The following WDPCP variants were observed in gnomAD, a reference collection of about 807,000 sequenced individuals.
WDPCP encodes the protein WD repeat-containing and planar cell polarity effector protein fritz homolog.
A neutral mutation model predicts 93.1 loss-of-function variants in WDPCP; 71 were observed. That is an observed-to-expected ratio of 0.76 (90% confidence interval 0.63 to 0.93). WDPCP has a LOEUF of 0.93. Ranked by LOEUF, WDPCP falls within the 40% of genes least tolerant of loss-of-function variation. WDPCP has a pLI of 0.00. For missense variants in WDPCP, 844 were observed against 887.4 expected, an observed-to-expected ratio of 0.95 and a Z score of 0.62; for synonymous variants, 315 against 315.0, an observed-to-expected ratio of 1.00 and a Z score of 0.00.
intron 2 of WDPCP, among the ~76,000 whole-genome samples, chr2:63,724,481 T>TA (rs1237141342): frequency 1.3e-5 from 2 of 152,112 alleles, no homozygotes; most frequent in African/African-American, 2.4e-5. Flanking sequence ...GTCATATCTT[T>TA]AAAAAAATCA....
At chr2:63,196,698 C>A (rs188971324) in intron 14 of WDPCP, among the ~76,000 whole-genome samples, 3 of 152,260 alleles carry the variant, frequency 2.0e-5, no homozygotes, top group Non-Finnish European at 4.4e-5. Context: ...TTAAGAAAAT[C>A]ATTGAGAAGA....
the WDPCP span, among the ~76,000 whole-genome samples, chr2:63,833,009 T>A: frequency 6.6e-6 from 1 of 152,250 alleles, no homozygotes; most frequent in African/African-American, 2.4e-5. Context: ...TCCCAGCACT[T>A]TGGGAGGCCA....
intron 2 of WDPCP, among the ~76,000 whole-genome samples, chr2:63,722,772 G>T (rs1340359751): frequency 6.6e-6 from 1 of 151,836 alleles, no homozygotes; most frequent in Non-Finnish European, 1.5e-5. Context: ...CAGCCGCCCC[G>T]TCTGGGAGGT....
At chr2:63,759,904 G>A (rs1670029725) in intron 2 of WDPCP, among the ~76,000 whole-genome samples, 1 of 152,232 alleles carries the variant, frequency 6.6e-6, no homozygotes, top group Non-Finnish European at 1.5e-5. Context: ...GATGAAGATG[G>A]CACTGCCCAT....
chr2:63,290,781 C>T (rs1460126242), intron 13 of WDPCP, among the ~76,000 whole-genome samples: 2 of 152,100 alleles, frequency 1.3e-5, no homozygotes, highest in African/African-American at 4.8e-5. Flanking sequence ...AGTCATAATT[C>T]GTATTAGCTG....
intron 2 of WDPCP, among the ~76,000 whole-genome samples, chr2:63,744,816 CT>C (rs1037622967): frequency 1.3e-5 from 2 of 152,040 alleles, no homozygotes; most frequent in Non-Finnish European, 2.9e-5. Context: ...CCCCTTTCCC[CT>C]ACCCACCCCA....
chr2:63,805,535 C>T (rs1465450388), intron 2 of WDPCP, among the ~76,000 whole-genome samples: 7 of 152,136 alleles, frequency 4.6e-5, no homozygotes, highest in Admixed American at 4.6e-4. Flanking sequence ...GATAGATTCA[C>T]TCCACCCAAT....
rs1689686805 is a variant in WDPCP at position 63,352,257 on chromosome 2, G to A, written c.1748+26129C>T. On this transcript the variant is annotated intron_variant, in intron 12 of 17. Coordinates refer to ENST00000272321, the MANE Select transcript of WDPCP (RefSeq NM_015910.7). ...TGTTGATAGTTTCTTTTGCTGTGCA[G>A]AAGCTCTTTCATTTAATCAGGATGC... Among the ~76,000 whole-genome samples, 4 of 152,244 alleles carry A rather than the reference G, an allele frequency of 2.6e-5. No homozygotes were observed. In the South Asian group the frequency reaches 8.3e-4, roughly 32 times the overall value.
chr2:63,595,857 G>T (rs972424807), intron 3 of WDPCP, among the ~76,000 whole-genome samples: 2 of 152,162 alleles, frequency 1.3e-5, no homozygotes, highest in East Asian at 1.9e-4. Context: ...TGTCTACATT[G>T]TGTTGTTATG....
chr2:63,607,393 C>G (rs957492577), intron 3 of WDPCP, among the ~76,000 whole-genome samples: 1 of 151,844 alleles, frequency 6.6e-6, no homozygotes, highest in Admixed American at 6.6e-5. Context: ...AAAAATTAGC[C>G]AGGCGTGGTG....
intron 11 of WDPCP, among the ~76,000 whole-genome samples, chr2:63,380,676 TCATGCCACTG>T (rs1692227375): frequency 6.6e-6 from 1 of 152,106 alleles, no homozygotes; most frequent in Non-Finnish European, 1.5e-5. Flanking sequence ...TGAGAAGAGA[TCATGCCACTG>T]CATGCCAGCC....
intron 2 of WDPCP, among the ~76,000 whole-genome samples, chr2:63,769,203 C>T (rs1670189633): frequency 6.6e-6 from 1 of 151,744 alleles, no homozygotes; most frequent in Non-Finnish European, 1.5e-5. Flanking sequence ...GAATACATTG[C>T]CAGTGGGTAT....
At chr2:63,177,494 A>G (rs1050453291) in intron 14 of WDPCP, among the ~76,000 whole-genome samples, 5 of 152,074 alleles carry the variant, frequency 3.3e-5, no homozygotes, top group Admixed American at 6.6e-5. Flanking sequence ...TTTTGATGCT[A>G]TTGTAAATGA....
chr2:63,298,209 G>A (rs561117342), intron 13 of WDPCP, among the ~76,000 whole-genome samples: 1 of 152,208 alleles, frequency 6.6e-6, no homozygotes, highest in Non-Finnish European at 1.5e-5. Context: ...CCAAGGGGAG[G>A]GATAGGCCCC....
chr2:63,478,213 A>G (rs970973818), intron 6 of WDPCP, among the ~76,000 whole-genome samples: 1 of 152,180 alleles, frequency 6.6e-6, no homozygotes, highest in Non-Finnish European at 1.5e-5. Context: ...GACCTAAGAA[A>G]TTAGATAGAC....
intron 2 of WDPCP, among the ~76,000 whole-genome samples, chr2:63,762,786 G>C (rs1341825001): frequency 1.3e-5 from 2 of 152,206 alleles, no homozygotes; most frequent in South Asian, 4.1e-4. Context: ...GAACCTTCAT[G>C]ATCCAATCAC....
chr2:63,268,015 G>C (rs983571556), intron 13 of WDPCP, among the ~76,000 whole-genome samples: 4 of 152,044 alleles, frequency 2.6e-5, no homozygotes, highest in Non-Finnish European at 5.9e-5. Flanking sequence ...GCAGATGTTG[G>C]TACTCCCATA....
intron 1 of WDPCP, among the ~76,000 whole-genome samples, chr2:63,823,018 C>G (rs1468718731): frequency 6.6e-6 from 1 of 151,520 alleles, no homozygotes; most frequent in East Asian, 1.9e-4. Context: ...AATAACTCAT[C>G]AGAAAAACTC....
intron 2 of WDPCP, among the ~76,000 whole-genome samples, chr2:63,703,698 T>C (rs966727535): frequency 2.0e-5 from 3 of 152,226 alleles, no homozygotes; most frequent in African/African-American, 4.8e-5. Context: ...TTTTGGTTAC[T>C]GTAGCCTTGT....
Sources: gnomAD v4.1 joint callset for allele counts (sites outside exome capture counted in the v4.1 genomes callset) on GRCh38, gnomAD v4.1.1 for gene constraint, MANE v1.5 for transcripts, NCBI Gene and HGNC (gene_info 2026-07-23, HGNC 2026-07-21) for gene names.